Variants in DOK7 observed in about 807,000 individuals in gnomAD.
DOK7 encodes protein Dok-7.
Under a neutral mutation model 30.7 loss-of-function variants are expected in DOK7, and 32 were observed. The ratio of observed to expected loss-of-function variants is 1.04; its 90% CI spans 0.79 to 1.40. The LOEUF (loss-of-function observed/expected upper bound fraction) is 1.40, where lower values mean the gene tolerates loss of function less well. Among genes scored for constraint, DOK7 ranks in the 40% most tolerant of loss-of-function variants. The pLI, the probability that DOK7 is intolerant of heterozygous loss-of-function variation, is 0.00. For synonymous variants in DOK7, 447 were observed against 324.1 expected (o/e 1.38, Z -4.07); for missense variants, 1,007 against 699.2 (o/e 1.44, Z -4.97).
chr4:3,500,430 C>G (rs1259973114), intron 7 of DOK7: 12 of 1,534,524 alleles, frequency 7.8e-6, no homozygotes, highest in Non-Finnish European at 9.6e-6. Flanking sequence ...CGTGGAGGCA[C>G]TGACAATTGG....
chr4:3,471,875 G>C (rs13128489), intron 2 of DOK7, among the ~76,000 whole-genome samples: 19,291 of 152,282 alleles, frequency 0.13, 1,335 homozygotes, highest in Middle Eastern at 0.18. Context: ...AAACGTTTCA[G>C]ACGCTGCGGA....
At chr4:3,499,698 G>C (rs1729096161) in intron 6 of DOK7, among the ~76,000 whole-genome samples, 2 of 152,060 alleles carry the variant, frequency 1.3e-5, no homozygotes, top group African/African-American at 4.8e-5. Flanking sequence ...GGGGCACCTG[G>C]GTGTCCTGGA....
chr4:3,468,657 AGTGTGT>A (rs535246339), intron 2 of DOK7, among the ~76,000 whole-genome samples: 1,066 of 96,936 alleles, frequency 0.011, 34 homozygotes, highest in Admixed American at 0.088. Flanking sequence ...TGCATGTATG[AGTGTGT>A]GTGCCTGTGT....
intron 4 of DOK7, among the ~76,000 whole-genome samples, chr4:3,479,998 C>T (rs746881993): frequency 9.2e-5 from 14 of 152,218 alleles, no homozygotes; most frequent in African/African-American, 2.4e-4. Flanking sequence ...GCCCCGCCTT[C>T]GGGGATGGAC....
intron 4 of DOK7, among the ~76,000 whole-genome samples, chr4:3,480,615 G>A (rs56350477): frequency 0.13 from 20,316 of 152,130 alleles, 1,545 homozygotes; most frequent in South Asian, 0.28. Flanking sequence ...CTCAAAAAAA[G>A]AAGAGTAAAG....
In DOK7 at chr4:3,500,297, G is replaced by T. The variant is rs767865277; in HGVS notation, c.1155G>T (p.Pro385=). 2.0e-5 allele frequency: 31 copies of T among 1,535,826 alleles called. No homozygotes were observed. The highest frequency in any genetic ancestry group is 2.4e-5 in the Non-Finnish European group (27 of 1,146,808). ...TGGACAGCCCAGGACCAGAGAGGCC[G>T]CGCGGCGAGTCGCCCACTTACGTGA... The change falls in exon 7 of 8, where the codon CCG becomes CCT. Residue 385 remains proline (P), a synonymous_variant. Transcript: ENST00000643608.
At chr4:3,484,293 T>C (rs984032590) in intron 4 of DOK7, among the ~76,000 whole-genome samples, 1 of 152,180 alleles carries the variant, frequency 6.6e-6, no homozygotes. Context: ...TCGCCACGTG[T>C]CGGGGCTGGC....
chr4:3,476,523 C>T lies in DOK7; in HGVS notation c.513C>T (p.Gly171=), dbSNP rs775583136. Reference sequence around the variant, plus strand: ...TGCCAAGCGGATTCATCTTTGAAGGCGGGACCAGGTGTGGGTACTGTAAGT... The same window carrying T: ...TGCCAAGCGGATTCATCTTTGAAGGTGGGACCAGGTGTGGGTACTGTAAGT... ...GAVPSGFIFE[G]GTRCGYWAGV... Residue 171 remains glycine (G), a synonymous_variant, in exon 4 of 7, where the codon GGC becomes GGT. Transcript: ENST00000340083. 1.5e-5 allele frequency: 25 copies of T among 1,613,902 alleles called. No homozygotes were observed. The highest frequency in any genetic ancestry group is 2.2e-5 in the East Asian group (1 of 44,872).
downstream of DOK7, chr4:3,494,596 G>A: frequency 1.1e-6 from 1 of 871,358 alleles, no homozygotes; most frequent in Non-Finnish European, 1.4e-6. Flanking sequence ...CTTTATCTCA[G>A]AGAGTGCGAG....
chr4:3,497,648 G>T (rs977454817), downstream of DOK7, among the ~76,000 whole-genome samples: 1 of 152,054 alleles, frequency 6.6e-6, no homozygotes, highest in African/African-American at 2.4e-5. Context: ...TCCCAGGCAG[G>T]TGGCACCTAC....
chr4:3,498,331 G>A (rs1268992491), downstream of DOK7, among the ~76,000 whole-genome samples: 4 of 151,866 alleles, frequency 2.6e-5, no homozygotes, highest in Non-Finnish European at 4.4e-5. Flanking sequence ...CTGGCCCAGC[G>A]CTGCTTACAG....
chr4:3,463,692 C>T (rs1040835049), intron 2 of DOK7, 141 bp downstream of exon 2: 52 of 1,074,210 alleles, frequency 4.8e-5, no homozygotes, highest in African/African-American at 6.5e-5. Flanking sequence ...CGGACCCGGA[C>T]CCCCCGGCGC....
chr4:3,478,551 A>G (rs79468383), intron 4 of DOK7, among the ~76,000 whole-genome samples: 15,505 of 76,126 alleles, frequency 0.2, 980 homozygotes, highest in African/African-American at 0.3. Flanking sequence ...CACAGAACCC[A>G]CAAACCTGCA....
At chr4:3,470,325 G>A (rs1048912948) in intron 2 of DOK7, among the ~76,000 whole-genome samples, 1 of 152,214 alleles carries the variant, frequency 6.6e-6, no homozygotes, top group African/African-American at 2.4e-5. Context: ...CCCAAATAAG[G>A]ACATACAGGT....
At chr4:3,485,962 G>A (rs1727756415) in intron 5 of DOK7, among the ~76,000 whole-genome samples, 1 of 152,080 alleles carries the variant, frequency 6.6e-6, no homozygotes, top group South Asian at 2.1e-4. Context: ...CTGCCACTGT[G>A]CAGTAAGAGA....
intron 4 of DOK7, among the ~76,000 whole-genome samples, chr4:3,480,382 A>T (rs550010994): frequency 1.3e-5 from 2 of 152,244 alleles, no homozygotes; most frequent in South Asian, 2.1e-4. Context: ...CGGAGGTGGG[A>T]GGATCACCTG....
exon 8 of DOK7, chr4:3,500,990 A>G: frequency 8.7e-7 from 1 of 1,149,586 alleles, no homozygotes; most frequent in Non-Finnish European, 1.2e-6. Context: ...GGAAGTTTTC[A>G]GGGCCCACGG....
At chr4:3,498,153 G>A (rs1425791951), downstream of DOK7, among the ~76,000 whole-genome samples, 1 of 152,192 alleles carries the variant, frequency 6.6e-6, no homozygotes, top group Non-Finnish European at 1.5e-5. Context: ...AGTGCAGAAG[G>A]GCCAGCCGAT....
chr4:3,492,961 G>C lies in DOK7; in HGVS notation c.975G>C (p.Arg325=). The change falls in exon 7 of 7, where the codon CGG becomes CGC. Residue 325 remains arginine (R), a synonymous_variant. Coordinates refer to ENST00000340083, the MANE Select transcript of DOK7 (RefSeq NM_173660.5). ...SRPPPKPLRP[R]QLQEVGRQSS... ...CACCCCCCAAGCCGCTGCGTCCGCG[G>C]CAGCTGCAGGAGGTTGGCCGCCAGA... is the stretch of plus-strand genomic sequence containing the variant. The C allele has an allele frequency of 6.4e-7, 1 of 1,552,514 alleles. No homozygotes were observed.
Sources: gnomAD v4.1 joint callset for allele counts (sites outside exome capture counted in the v4.1 genomes callset) on GRCh38, gnomAD v4.1.1 for gene constraint, MANE v1.5 for transcripts, NCBI Gene and HGNC (gene_info 2026-07-23, HGNC 2026-07-21) for gene names.